SYNE2: variants seen among roughly 807,000 people sequenced by gnomAD.
SYNE2 encodes nesprin-2.
In SYNE2, 431 loss-of-function variants were observed where a neutral mutation model predicts 856.3. That is an observed-to-expected ratio of 0.50 (90% CI 0.47 to 0.55). The LOEUF (loss-of-function observed/expected upper bound fraction) is 0.55, where lower values mean the gene tolerates loss of function less well. Ranked by LOEUF, SYNE2 falls within the 20% of genes least tolerant of loss-of-function variation. The pLI is 0.00. For synonymous variants in SYNE2, 2,923 were observed against 2,872.3 expected, an observed-to-expected ratio of 1.02 and a Z score of -0.56; for missense variants, 8,129 against 8,023.2, an observed-to-expected ratio of 1.01 and a Z score of -0.50.
At chr14:64,056,828 G>T (rs1473729397) in intron 49 of SYNE2, among the ~76,000 whole-genome samples, 1 of 151,852 alleles carries the variant, frequency 6.6e-6, no homozygotes, top group African/African-American at 2.4e-5. Context: ...ATGCCACCAC[G>T]CCTGGCTAAT....
intron 1 of SYNE2, among the ~76,000 whole-genome samples, chr14:63,902,814 C>T (rs1350291137): frequency 6.6e-6 from 1 of 152,044 alleles, no homozygotes; most frequent in Non-Finnish European, 1.5e-5. Context: ...GAACCTCAGC[C>T]TCTGGAGTAG....
intron 99 of SYNE2, chr14:64,191,266 T>C: frequency 4.4e-6 from 1 of 227,712 alleles, no homozygotes. Context: ...TGAACCTGAG[T>C]CAATCAACAG....
chr14:64,169,648 C>T (rs575710820), intron 93 of SYNE2, among the ~76,000 whole-genome samples: 1 of 152,200 alleles, frequency 6.6e-6, no homozygotes, highest in African/African-American at 2.4e-5. Flanking sequence ...AAATGTAAAG[C>T]CCTTTTCTCC....
intron 11 of SYNE2, among the ~76,000 whole-genome samples, chr14:63,970,389 A>G (rs1004176804): frequency 1.3e-5 from 2 of 152,082 alleles, no homozygotes; most frequent in African/African-American, 2.4e-5. Flanking sequence ...GAGTTTTGCC[A>G]TGTTGCCCAT....
chr14:63,886,202 C>G (rs1489840647), intron 1 of SYNE2, among the ~76,000 whole-genome samples: 1 of 152,182 alleles, frequency 6.6e-6, no homozygotes, highest in Non-Finnish European at 1.5e-5. Context: ...AACATACATA[C>G]AGGGAAACAC....
chr14:63,872,468 C>A (rs1248751261), intron 1 of SYNE2, among the ~76,000 whole-genome samples: 3 of 150,910 alleles, frequency 2.0e-5, no homozygotes, highest in Admixed American at 2.0e-4. Flanking sequence ...CAACAAGAGT[C>A]TAATTGGCTG....
intron 60 of SYNE2, 99 bp from the exon 61 acceptor site, chr14:64,093,250 G>GT: frequency 7.2e-7 from 1 of 1,389,348 alleles, no homozygotes; most frequent in Non-Finnish European, 1.0e-6. Flanking sequence ...CATATTTGCT[G>GT]TGAGTGATTA....
intron 47 of SYNE2, among the ~76,000 whole-genome samples, chr14:64,050,104 G>A (rs1485115158): frequency 6.6e-6 from 1 of 151,804 alleles, no homozygotes; most frequent in African/African-American, 2.4e-5. Context: ...TACTGCCTTG[G>A]AGGGTGGGAA....
intron 1 of SYNE2, among the ~76,000 whole-genome samples, chr14:63,858,223 G>A (rs1036363650): frequency 1.3e-4 from 17 of 128,168 alleles, no homozygotes; most frequent in Admixed American, 5.6e-4. Flanking sequence ...TCTAGTGATT[G>A]TGGTACCTGG....
At chr14:64,152,827 T>G (rs2098254966) in intron 85 of SYNE2, 111 bp downstream of exon 85, 2 of 1,380,604 alleles carry the variant, frequency 1.4e-6, no homozygotes, top group Non-Finnish European at 2.0e-6. Context: ...TACCAAACAC[T>G]GAAAAGTTGC....
chr14:64,162,324 G>A, intron 88 of SYNE2, 48 bp downstream of exon 88: 1 of 1,583,564 alleles, frequency 6.3e-7, no homozygotes, highest in East Asian at 2.2e-5. Context: ...CAGCCCAACA[G>A]ATGGGGTAAG....
At chr14:63,924,831 G>GTTTTTTTTTTTTTTTTTTTTTT (rs1566813188) in intron 2 of SYNE2, among the ~76,000 whole-genome samples, 1 of 30,142 alleles carries the variant, frequency 3.3e-5, no homozygotes, top group Non-Finnish European at 6.3e-5. Context: ...TTCCAGCCTT[G>GTTTTTTTTTTTTTTTTTTTTTT]GTGTTTTTTT....
intron 99 of SYNE2, among the ~76,000 whole-genome samples, chr14:64,193,370 C>T (rs758857808): frequency 3.3e-5 from 5 of 152,028 alleles, no homozygotes; most frequent in African/African-American, 9.7e-5. Flanking sequence ...GCTTACATGG[C>T]GAAACCCCAT....
intron 55 of SYNE2, 96 bp downstream of exon 55, chr14:64,078,702 C>T: frequency 1.4e-6 from 2 of 1,458,380 alleles, no homozygotes; most frequent in Non-Finnish European, 1.9e-6. Context: ...TTGAATTAAT[C>T]TGAAGCACAG....
intron 13 of SYNE2, 127 bp from the exon 14 acceptor site, chr14:63,978,725 A>G: frequency 2.8e-6 from 2 of 708,714 alleles, no homozygotes; most frequent in Non-Finnish European, 4.7e-6. Flanking sequence ...AAAGACAATG[A>G]TACATCTGAG....
At chr14:64,225,106 T>C (rs376220036) in intron 115 of SYNE2, 61 bp downstream of exon 115, 2 of 1,594,576 alleles carry the variant, frequency 1.3e-6, no homozygotes, top group East Asian at 2.2e-5. Context: ...ACTGACTCAG[T>C]CTTGCCAATG....
At chr14:63,863,092 C>T (rs1041715822) in intron 1 of SYNE2, among the ~76,000 whole-genome samples, 1 of 152,180 alleles carries the variant, frequency 6.6e-6, no homozygotes, top group Non-Finnish European at 1.5e-5. Context: ...GCCACCGTGC[C>T]TGGCCTTGGG....
intron 1 of SYNE2, among the ~76,000 whole-genome samples, chr14:63,771,186 C>T (rs1886891251): frequency 6.6e-6 from 1 of 151,544 alleles, no homozygotes; most frequent in South Asian, 2.1e-4. Context: ...TCTCCTGCCT[C>T]AGCCTCCCGA....
At chr14:63,795,459 TG>T (rs1342648528) in intron 1 of SYNE2, among the ~76,000 whole-genome samples, 1 of 152,162 alleles carries the variant, frequency 6.6e-6, no homozygotes, top group Non-Finnish European at 1.5e-5. Context: ...TGTGGGACCT[TG>T]TGGTCGTGTG....
Sources: allele counts gnomAD v4.1 joint callset (sites outside exome capture counted in the v4.1 genomes callset), GRCh38; gene constraint gnomAD v4.1.1; transcripts MANE v1.5; gene names NCBI Gene and HGNC (gene_info 2026-07-23, HGNC 2026-07-21).